DNM3: variants seen among roughly 807,000 people sequenced by gnomAD.
DNM3 encodes dynamin 3, also known as dynamin-3.
A neutral mutation model predicts 101.6 loss-of-function variants in DNM3; 47 were observed. That is an observed-to-expected ratio of 0.46 (90% confidence interval 0.37 to 0.59). The LOEUF is 0.59. Ranked by LOEUF, DNM3 falls within the 20% of genes least tolerant of loss-of-function variation. The probability of loss-of-function intolerance (pLI) is 0.00; values close to 1 mark genes in which losing one functional copy is unlikely to be tolerated. For synonymous variants in DNM3, 385 were observed against 387.9 expected (o/e 0.99, Z 0.09); for missense variants, 849 against 1,085.7 (o/e 0.78, Z 3.06).
At chr1:171,876,190 T>C (rs1404046799) in intron 1 of DNM3, among the ~76,000 whole-genome samples, 1 of 152,184 alleles carries the variant, frequency 6.6e-6, no homozygotes, top group Admixed American at 6.5e-5. Flanking sequence ...TTGAAAGTAA[T>C]CTGGTCAGAG....
At chr1:172,382,669 A>C (rs9425587) in intron 18 of DNM3, among the ~76,000 whole-genome samples, 72,673 of 152,036 alleles carry the variant, frequency 0.48, 20,350 homozygotes, top group East Asian at 0.87. Context: ...TCCTACCCCC[A>C]CAGGGTATTC....
At chr1:172,385,241 T>A (rs1003957875) in intron 18 of DNM3, among the ~76,000 whole-genome samples, 2 of 152,204 alleles carry the variant, frequency 1.3e-5, no homozygotes, top group East Asian at 1.9e-4. Context: ...TCTAACAGAT[T>A]TCTTTATTTT....
At chr1:172,233,286 C>T (rs535446317) in intron 14 of DNM3, among the ~76,000 whole-genome samples, 45 of 152,214 alleles carry the variant, frequency 3.0e-4, no homozygotes, top group Non-Finnish European at 1.6e-4. Context: ...ACTAGAAAAT[C>T]TAGAAGAAAT....
Position 172,033,019 on chromosome 1 carries a change from A to G in DNM3, c.689-86A>G, listed in dbSNP as rs2048725381. On this transcript the variant is annotated intron_variant, in intron 5 of 20. Coordinates refer to ENST00000627582, the MANE Select transcript of DNM3 (RefSeq NM_015569.5). ...GCCTAAAACTAGTTTTGCCTTTCTTACTCTGCCTATGTGAGAGCCTTGAAA... is the reference window on the plus strand; with the variant it reads ...GCCTAAAACTAGTTTTGCCTTTCTTGCTCTGCCTATGTGAGAGCCTTGAAA... 21 of 1,480,298 alleles carry G rather than the reference A, an allele frequency of 1.4e-5. No homozygotes were observed. In the South Asian group the frequency reaches 2.7e-4, roughly 19 times the overall value. The allele number at this position is 1,480,298 out of a possible 1,614,324, so 91.7% of individuals were successfully genotyped here. A position where few individuals can be genotyped will look rare whatever the true frequency, so the allele number is the denominator to read the frequency against.
At chr1:171,913,951 G>A (rs987102309) in intron 1 of DNM3, among the ~76,000 whole-genome samples, 6 of 151,760 alleles carry the variant, frequency 4.0e-5, no homozygotes, top group East Asian at 1.9e-4. Context: ...ACCATGCCCA[G>A]CTAATTTTTA....
At chr1:172,138,916 CT>C in intron 14 of DNM3, 1 of 473,192 alleles carries the variant, frequency 2.1e-6, no homozygotes, top group Non-Finnish European at 4.4e-6. Context: ...CCCTTGGTTC[CT>C]TCAGGTTTCC....
intron 1 of DNM3, among the ~76,000 whole-genome samples, chr1:171,876,664 CA>C (rs757222349): frequency 2.0e-5 from 3 of 152,154 alleles, no homozygotes; most frequent in Non-Finnish European, 4.4e-5. Flanking sequence ...AGGTGCCCAT[CA>C]AACCTTTGTT....
chr1:171,933,051 G>A (rs1431371483), intron 2 of DNM3, among the ~76,000 whole-genome samples: 1 of 152,010 alleles, frequency 6.6e-6, no homozygotes, highest in Non-Finnish European at 1.5e-5. Flanking sequence ...CACTTTTCAG[G>A]CAAAATAGAC....
intron 14 of DNM3, among the ~76,000 whole-genome samples, chr1:172,186,843 C>A (rs1374093607): frequency 6.6e-6 from 1 of 152,070 alleles, no homozygotes; most frequent in Non-Finnish European, 1.5e-5. Context: ...CACACATTCA[C>A]AGATTGATTT....
intron 10 of DNM3, among the ~76,000 whole-genome samples, chr1:172,056,357 T>G (rs112356801): frequency 0.019 from 2,957 of 152,300 alleles, 85 homozygotes; most frequent in African/African-American, 0.066. Flanking sequence ...CAAGGAGGCC[T>G]GCCTGCCTCT....
chr1:172,034,061 C>A (rs2048795855), intron 6 of DNM3, among the ~76,000 whole-genome samples: 1 of 152,082 alleles, frequency 6.6e-6, no homozygotes, highest in Non-Finnish European at 1.5e-5. Context: ...ATCAATCAAT[C>A]AAGTAGATTT....
intron 20 of DNM3, among the ~76,000 whole-genome samples, chr1:172,405,440 G>T (rs1459212974): frequency 1.3e-5 from 2 of 151,910 alleles, no homozygotes; most frequent in Admixed American, 1.3e-4. Flanking sequence ...TGGTCCAGAA[G>T]GACTGAGGAA....
intron 2 of DNM3, among the ~76,000 whole-genome samples, chr1:171,922,940 C>T (rs1454846107): frequency 1.3e-5 from 2 of 152,122 alleles, no homozygotes; most frequent in East Asian, 3.8e-4. Context: ...TTTGTTTGTC[C>T]ATTCGTTAAC....
intron 11 of DNM3, among the ~76,000 whole-genome samples, chr1:172,072,033 A>G (rs2125948362): frequency 6.6e-6 from 1 of 152,254 alleles, no homozygotes; most frequent in African/African-American, 2.4e-5. Context: ...ACTACAGTCC[A>G]AGTTAATGTG....
At chr1:172,351,476 TC>T (rs2067199667) in intron 17 of DNM3, among the ~76,000 whole-genome samples, 1 of 152,192 alleles carries the variant, frequency 6.6e-6, no homozygotes, top group Admixed American at 6.5e-5. Context: ...TGCCCAGGAC[TC>T]CCTTAAAAAT....
intron 1 of DNM3, among the ~76,000 whole-genome samples, chr1:171,847,080 TG>T (rs1218719513): frequency 1.3e-5 from 2 of 152,162 alleles, no homozygotes; most frequent in Non-Finnish European, 2.9e-5. Flanking sequence ...CCAATGAACA[TG>T]TATTTATTGA....
chr1:171,965,048 A>T (rs2043473421), intron 2 of DNM3, among the ~76,000 whole-genome samples: 1 of 152,106 alleles, frequency 6.6e-6, no homozygotes, highest in East Asian at 1.9e-4. Flanking sequence ...CCACAGGTTG[A>T]TGTCTCAGTC....
chr1:172,067,542 C>A (rs1455946043), intron 10 of DNM3, among the ~76,000 whole-genome samples: 1 of 152,062 alleles, frequency 6.6e-6, no homozygotes, highest in African/African-American at 2.4e-5. Context: ...CCACTAATTG[C>A]CCCCACTTCC....
chr1:171,922,919 A>G (rs140396224), intron 2 of DNM3, among the ~76,000 whole-genome samples: 100 of 152,332 alleles, frequency 6.6e-4, no homozygotes, highest in Middle Eastern at 3.4e-3. Context: ...CATTGTCTGG[A>G]TAGATCACAT....
Sources: allele counts gnomAD v4.1 joint callset (sites outside exome capture counted in the v4.1 genomes callset), GRCh38; gene constraint gnomAD v4.1.1; transcripts MANE v1.5; gene names NCBI Gene and HGNC (gene_info 2026-07-23, HGNC 2026-07-21).